RALGPS2: variants seen among roughly 807,000 people sequenced by gnomAD.
RALGPS2 encodes the protein ras-specific guanine nucleotide-releasing factor RalGPS2.
A neutral mutation model predicts 86.8 loss-of-function variants in RALGPS2; 43 were observed. That is an observed-to-expected ratio of 0.50 (90% confidence interval 0.39 to 0.64). RALGPS2 has a LOEUF of 0.64. Ranked by LOEUF, RALGPS2 falls within the 30% of genes least tolerant of loss-of-function variation. The pLI is 0.00. For missense variants in RALGPS2, 536 were observed against 694.6 expected, an observed-to-expected ratio of 0.77 and a Z score of 2.57; for synonymous variants, 243 against 231.3, an observed-to-expected ratio of 1.05 and a Z score of -0.46.
chr1:178,865,669 G>T (rs779566235), intron 8 of RALGPS2: 3 of 1,613,826 alleles, frequency 1.9e-6, no homozygotes, highest in Non-Finnish European at 2.5e-6. Context: ...TGGCACGAGG[G>T]TATCTTCTCT....
intron 15 of RALGPS2, among the ~76,000 whole-genome samples, chr1:178,892,957 TCTCCGTGCATGTAC>T (rs1659781060): frequency 6.6e-6 from 1 of 152,110 alleles, no homozygotes; most frequent in African/African-American, 2.4e-5. Flanking sequence ...TGGTGTCTAA[TCTCCGTGCATGTAC>T]CTCCCTGAAT....
At chr1:178,795,438 AGTCTT>A (rs1654144353) in intron 4 of RALGPS2, among the ~76,000 whole-genome samples, 1 of 152,040 alleles carries the variant, frequency 6.6e-6, no homozygotes, top group Admixed American at 6.6e-5. Flanking sequence ...TTTGAGACAA[AGTCTT>A]ACTCTGTTGC....
At chr1:178,745,822 C>CTTTTTTTTTTTTTTTT (rs34277622) in intron 1 of RALGPS2, among the ~76,000 whole-genome samples, 3 of 86,054 alleles carry the variant, frequency 3.5e-5, no homozygotes, top group African/African-American at 1.2e-4. Context: ...TTCAATTCTT[C>CTTTTTTTTTTTTTTTT]TTTTTTTTTT....
At chr1:178,740,167 C>G (rs953779993) in intron 1 of RALGPS2, among the ~76,000 whole-genome samples, 1 of 152,122 alleles carries the variant, frequency 6.6e-6, no homozygotes, top group Non-Finnish European at 1.5e-5. Flanking sequence ...ACTACTATAA[C>G]TAAGTAGATT....
At chr1:178,811,294 A>G (rs1189500184) in intron 5 of RALGPS2, 21 bp from the exon 6 acceptor site, 5 of 1,493,700 alleles carry the variant, frequency 3.3e-6, no homozygotes, top group Non-Finnish European at 2.7e-6. Flanking sequence ...AGTGATATTT[A>G]TTTAAAATTT....
intron 14 of RALGPS2, among the ~76,000 whole-genome samples, chr1:178,890,826 A>T (rs1459992591): frequency 1.3e-5 from 2 of 151,682 alleles, no homozygotes; most frequent in Non-Finnish European, 2.9e-5. Context: ...ATTTTTATTT[A>T]TTTTTGCATT....
intron 8 of RALGPS2, among the ~76,000 whole-genome samples, chr1:178,835,459 C>T (rs1224592561): frequency 1.4e-5 from 2 of 147,006 alleles, no homozygotes; most frequent in African/African-American, 5.1e-5. Context: ...GTGGCACAGT[C>T]TCAGCTCACT....
intron 4 of RALGPS2, among the ~76,000 whole-genome samples, chr1:178,789,225 C>T (rs1653836379): frequency 6.6e-6 from 1 of 152,158 alleles, no homozygotes; most frequent in African/African-American, 2.4e-5. Flanking sequence ...CTCTTTGATA[C>T]TGCTGACTAG....
intron 8 of RALGPS2, among the ~76,000 whole-genome samples, chr1:178,839,627 A>G (rs1160963035): frequency 1.3e-5 from 2 of 152,172 alleles, no homozygotes; most frequent in African/African-American, 4.8e-5. Context: ...TAACCAGCGA[A>G]CATCATAATG....
intron 5 of RALGPS2, among the ~76,000 whole-genome samples, chr1:178,810,505 G>T (rs1572355493): frequency 6.7e-6 from 1 of 150,166 alleles, no homozygotes; most frequent in Non-Finnish European, 1.5e-5. Context: ...TAAGGTTATT[G>T]TTAAGATTTC....
chr1:178,912,351 C>T (rs1390791054), intron 19 of RALGPS2, among the ~76,000 whole-genome samples: 1 of 152,154 alleles, frequency 6.6e-6, no homozygotes. Flanking sequence ...ATGTAGCACT[C>T]CTTAAAGGAC....
chr1:178,799,676 G>T (rs75474378), intron 4 of RALGPS2, among the ~76,000 whole-genome samples: 8,191 of 152,138 alleles, frequency 0.054, 766 homozygotes, highest in African/African-American at 0.19. Flanking sequence ...GGACTGCCTC[G>T]TAAAGTTCTT....
At chr1:178,814,461 CTTG>C (rs1238612314) in intron 6 of RALGPS2, among the ~76,000 whole-genome samples, 1 of 152,110 alleles carries the variant, frequency 6.6e-6, no homozygotes, top group East Asian at 1.9e-4. Context: ...TAGACAGGAT[CTTG>C]TTGTTCTGTC....
intron 4 of RALGPS2, 125 bp downstream of exon 4, chr1:178,785,732 A>G: frequency 1.6e-6 from 2 of 1,255,772 alleles, no homozygotes; most frequent in Non-Finnish European, 2.1e-6. Flanking sequence ...GTTGTAACTT[A>G]TCTACATACT....
intron 4 of RALGPS2, among the ~76,000 whole-genome samples, chr1:178,786,120 A>G (rs1351471002): frequency 6.6e-6 from 1 of 152,074 alleles, no homozygotes; most frequent in Non-Finnish European, 1.5e-5. Context: ...CATCGAGTAG[A>G]CTGAGGAAGA....
intron 4 of RALGPS2, 131 bp from the exon 5 acceptor site, chr1:178,807,914 T>C: frequency 1.4e-6 from 1 of 692,272 alleles, no homozygotes. Flanking sequence ...GGATATAATA[T>C]TATGTATGTT....
intron 8 of RALGPS2, among the ~76,000 whole-genome samples, chr1:178,854,174 A>G (rs1332110962): frequency 1.3e-5 from 2 of 152,092 alleles, no homozygotes; most frequent in Non-Finnish European, 2.9e-5. Flanking sequence ...TTGCTATTAT[A>G]AAAACACTGC....
chr1:178,769,550 C>A (rs906026716), intron 1 of RALGPS2, among the ~76,000 whole-genome samples: 1 of 151,948 alleles, frequency 6.6e-6, no homozygotes, highest in African/African-American at 2.4e-5. Context: ...GGCTGCTGGT[C>A]CAGGCAAGTG....
Position 178,730,615 on chromosome 1 carries a change from T to C in RALGPS2, c.-84+5196T>C, listed in dbSNP as rs144891156. Among the ~76,000 whole-genome samples, 911 of 152,120 alleles carry C rather than the reference T, an allele frequency of 6.0e-3. 9 individuals are homozygous for C. Among genetic ancestry groups the C allele is most frequent in the African/African-American group, 0.021 (866 of 41,512 alleles). On this transcript the variant is annotated intron_variant, in intron 1 of 19. Transcript: ENST00000367635. ...AATTCTTCTTGAACTATCTTCTTGCTCAAATCTGCACTTTTGCCTTCCACT... is the reference window on the plus strand; with the variant it reads ...AATTCTTCTTGAACTATCTTCTTGCCCAAATCTGCACTTTTGCCTTCCACT...
Sources: gnomAD v4.1 joint callset for allele counts (sites outside exome capture counted in the v4.1 genomes callset) on GRCh38, gnomAD v4.1.1 for gene constraint, MANE v1.5 for transcripts, NCBI Gene and HGNC (gene_info 2026-07-23, HGNC 2026-07-21) for gene names.